RABGAP1: variants seen among roughly 807,000 people sequenced by gnomAD.
The protein encoded by RABGAP1 is rab GTPase-activating protein 1.
In RABGAP1, 23 loss-of-function variants were observed where a neutral mutation model predicts 137.6. The ratio of observed to expected loss-of-function variants is 0.17; its 90% CI spans 0.12 to 0.24. RABGAP1 has a LOEUF of 0.24. Ranked by LOEUF, RABGAP1 falls within the 10% of genes least tolerant of loss-of-function variation. RABGAP1 has a pLI of 1.00. For synonymous variants in RABGAP1, 451 were observed against 450.7 expected, an observed-to-expected ratio of 1.00 and a Z score of -0.01; for missense variants, 906 against 1,275.8, an observed-to-expected ratio of 0.71 and a Z score of 4.42.
intron 13 of RABGAP1, among the ~76,000 whole-genome samples, chr9:123,045,652 T>C (rs2033171553): frequency 6.6e-6 from 1 of 152,186 alleles, no homozygotes; most frequent in African/African-American, 2.4e-5. Flanking sequence ...TTATAGGAGT[T>C]GGTTTAAGAT....
intron 1 of RABGAP1, among the ~76,000 whole-genome samples, chr9:122,945,740 C>T (rs1041610969): frequency 2.6e-5 from 4 of 152,102 alleles, no homozygotes; most frequent in African/African-American, 9.7e-5. Context: ...TTCTCTGTAC[C>T]TAAATCTGGC....
At chr9:122,984,025 G>C (rs1435338491) in intron 2 of RABGAP1, among the ~76,000 whole-genome samples, 1 of 152,186 alleles carries the variant, frequency 6.6e-6, no homozygotes, top group African/African-American at 2.4e-5. Flanking sequence ...GACTGGAGTG[G>C]TAAAATACCT....
At chr9:123,015,713 A>G in intron 12 of RABGAP1, 77 bp downstream of exon 12, 2 of 998,374 alleles carry the variant, frequency 2.0e-6, no homozygotes, top group South Asian at 1.6e-5. Context: ...ACTATAATCA[A>G]TTTTGGAACC....
chr9:122,989,206 AC>A, intron 4 of RABGAP1, 90 bp from the exon 5 acceptor site: 1 of 1,179,718 alleles, frequency 8.5e-7, no homozygotes, highest in Non-Finnish European at 1.2e-6. Flanking sequence ...TGATCTTCTT[AC>A]TAGAAAGAAT....
intron 10 of RABGAP1, among the ~76,000 whole-genome samples, chr9:123,008,842 T>G (rs2030546596): frequency 6.6e-6 from 1 of 152,172 alleles, no homozygotes; most frequent in African/African-American, 2.4e-5. Context: ...ACAAAAAGAT[T>G]ACTAGATTAG....
chr9:122,978,560 A>G (rs991348594), intron 2 of RABGAP1, among the ~76,000 whole-genome samples: 6 of 152,178 alleles, frequency 3.9e-5, no homozygotes, highest in Admixed American at 6.5e-5. Flanking sequence ...GCTTGAGCCC[A>G]GAAGTTTGAG....
intron 2 of RABGAP1, among the ~76,000 whole-genome samples, chr9:122,960,450 G>A (rs1481228449): frequency 6.6e-6 from 1 of 152,166 alleles, no homozygotes; most frequent in Non-Finnish European, 1.5e-5. Context: ...AGCTCCCTGA[G>A]GAGCAACTCC....
At chr9:123,029,775 G>T in intron 13 of RABGAP1, 1 of 579,470 alleles carries the variant, frequency 1.7e-6, no homozygotes. Context: ...GAGAGCAGTG[G>T]CGAACACTGC....
the RABGAP1 span, among the ~76,000 whole-genome samples, chr9:122,932,689 C>T: frequency 6.6e-6 from 1 of 152,018 alleles, no homozygotes; most frequent in African/African-American, 2.4e-5. Context: ...GCCACCACAC[C>T]GGGCTAATTT....
At chr9:122,948,984 G>T (rs1834082275) in intron 1 of RABGAP1, among the ~76,000 whole-genome samples, 2 of 152,190 alleles carry the variant, frequency 1.3e-5, no homozygotes, top group South Asian at 4.1e-4. Flanking sequence ...TAGTTTGGGG[G>T]ACTCTTTGTG....
intron 10 of RABGAP1, among the ~76,000 whole-genome samples, chr9:123,003,820 A>G (rs923339990): frequency 5.9e-5 from 9 of 152,222 alleles, no homozygotes; most frequent in African/African-American, 1.9e-4. Context: ...AGATTTTCCA[A>G]TAGTGACATA....
chr9:122,949,420 A>G (rs1426122150), intron 1 of RABGAP1, among the ~76,000 whole-genome samples: 1 of 152,174 alleles, frequency 6.6e-6, no homozygotes, highest in Non-Finnish European at 1.5e-5. Flanking sequence ...AGCCTGAGGC[A>G]GGAAAATCGC....
At chr9:123,025,543 C>CTTTTTTTTTTTTTTTTTTTTTT (rs577474947) in intron 13 of RABGAP1, among the ~76,000 whole-genome samples, 11 of 75,010 alleles carry the variant, frequency 1.5e-4, no homozygotes, top group East Asian at 2.9e-4. Flanking sequence ...TCTTTCTTTT[C>CTTTTTTTTTTTTTTTTTTTTTT]TTTTTTTTTT....
chr9:122,981,361 A>T (rs1305712584), intron 2 of RABGAP1, among the ~76,000 whole-genome samples: 1 of 152,194 alleles, frequency 6.6e-6, no homozygotes, highest in East Asian at 1.9e-4. Context: ...TTCTGAAAAA[A>T]GATAAATATG....
At chr9:122,965,786 GAATT>G (rs901429251) in intron 2 of RABGAP1, among the ~76,000 whole-genome samples, 4 of 152,184 alleles carry the variant, frequency 2.6e-5, no homozygotes, top group Non-Finnish European at 5.9e-5. Flanking sequence ...TTAAATGAAT[GAATT>G]GTGTGGTTTA....
At chr9:123,099,985 ATTTTTATTTT>A (rs776254275) in intron 24 of RABGAP1, among the ~76,000 whole-genome samples, 11 of 151,846 alleles carry the variant, frequency 7.2e-5, no homozygotes, top group Non-Finnish European at 1.0e-4. Flanking sequence ...ACCTTAGTTT[ATTTTTATTTT>A]TTTTTATTTT....
At chr9:122,978,584 A>G (rs988584996) in intron 2 of RABGAP1, among the ~76,000 whole-genome samples, 1 of 152,164 alleles carries the variant, frequency 6.6e-6, no homozygotes, top group African/African-American at 2.4e-5. Flanking sequence ...GCAGTGAGCT[A>G]TGATCGTGCC....
intron 11 of RABGAP1, among the ~76,000 whole-genome samples, chr9:123,014,478 A>G (rs1433361375): frequency 6.6e-6 from 1 of 152,186 alleles, no homozygotes; most frequent in East Asian, 1.9e-4. Flanking sequence ...AGTGTTTGGT[A>G]TAGTTTATAC....
intron 19 of RABGAP1, chr9:123,089,540 G>A (rs2034974566): frequency 2.0e-6 from 1 of 489,234 alleles, no homozygotes; most frequent in Non-Finnish European, 3.7e-6. Context: ...TAAAGCCTTA[G>A]GACCCAAACA....
Sources: gnomAD v4.1 joint callset for allele counts (sites outside exome capture counted in the v4.1 genomes callset) on GRCh38, gnomAD v4.1.1 for gene constraint, MANE v1.5 for transcripts, NCBI Gene and HGNC (gene_info 2026-07-23, HGNC 2026-07-21) for gene names.